The following STAM variants were observed in gnomAD, a reference collection of about 807,000 sequenced individuals.
STAM encodes the protein signal transducing adapter molecule 1.
Under a neutral mutation model 63.4 loss-of-function variants are expected in STAM, and 16 were observed. The observed-to-expected ratio is 0.25, with a 90% CI of 0.17 to 0.38. STAM has a LOEUF of 0.38. Ranked by LOEUF, STAM falls within the 10% of genes least tolerant of loss-of-function variation. The pLI is 1.00. For missense variants in STAM, 636 were observed against 657.1 expected (o/e 0.97, Z 0.35); for synonymous variants, 238 against 223.9 (o/e 1.06, Z -0.56).
At chr10:17,662,252 A>G (rs576458064) in intron 2 of STAM, among the ~76,000 whole-genome samples, 45 of 152,124 alleles carry the variant, frequency 3.0e-4, no homozygotes, top group Non-Finnish European at 5.1e-4. Context: ...CAGCTCAACT[A>G]TCTGAGTTCC....
At chr10:17,692,912 T>C (rs1835602231) in intron 5 of STAM, among the ~76,000 whole-genome samples, 1 of 152,174 alleles carries the variant, frequency 6.6e-6, no homozygotes, top group South Asian at 2.1e-4. Context: ...GGAGTTTTTT[T>C]AAACACGTTG....
rs1159607207 is a variant in STAM, at chr10:17,703,023, AAAAAGAAAAG to A, written c.913-1388_913-1379del. The stretch of plus-strand genomic sequence containing the variant: ...GACTCCATCTCAAAAAAAAAAAAAA[AAAAAGAAAAG>A]AAAAGAAAAGAAAAGAAAATACTTG... On this transcript the variant is annotated intron_variant, in intron 9 of 13. Coordinates refer to ENST00000377524, the MANE Select transcript of STAM (RefSeq NM_003473.4). 7.1e-3 allele frequency among the ~76,000 whole-genome samples: 812 copies of A among 114,088 alleles called. 3 individuals are homozygous for A. Among genetic ancestry groups the A allele is most frequent in the African/African-American group, 0.024 (755 of 31,690 alleles). The allele number at this position is 114,088 out of a possible 152,430, so 74.8% of individuals were successfully genotyped here.
At chr10:17,686,708 A>G (rs1300827923) in intron 4 of STAM, among the ~76,000 whole-genome samples, 2 of 152,320 alleles carry the variant, frequency 1.3e-5, no homozygotes, top group East Asian at 1.9e-4. Flanking sequence ...ATTTCCTTTT[A>G]TTAAACAAAT....
At chr10:17,689,565 C>T (rs1245304072) in intron 5 of STAM, among the ~76,000 whole-genome samples, 1 of 152,152 alleles carries the variant, frequency 6.6e-6, no homozygotes, top group African/African-American at 2.4e-5. Context: ...TTTTACTACT[C>T]AGTATAGTTT....
chr10:17,644,333 A>G lies in STAM; in HGVS notation c.-7A>G. The stretch of plus-strand genomic sequence containing the variant: ...AGTCCCCGGGGACACCTCGGCACGC[A>G]GCGGAGATGCCTCTTTTTGCCACCA... On this transcript the variant is annotated 5_prime_UTR_variant, in exon 1 of 14. Coordinates refer to ENST00000377524, the MANE Select transcript of STAM (RefSeq NM_003473.4). 2 of 1,614,132 alleles carry G rather than the reference A, an allele frequency of 1.2e-6. No individual in the cohort carries two copies.
intron 2 of STAM, among the ~76,000 whole-genome samples, chr10:17,676,994 T>C (rs1277260922): frequency 6.6e-6 from 1 of 152,048 alleles, no homozygotes; most frequent in African/African-American, 2.4e-5. Flanking sequence ...TTCATAATAG[T>C]GGTTAAGTTC....
rs782254522 is a variant in STAM, at chr10:17,684,658, T to C, written c.126-17T>C. 2.8e-5 allele frequency: 45 copies of C among 1,607,914 alleles called. 1 individual carries two copies. In the South Asian group the frequency reaches 4.7e-4, roughly 17 times the overall value. On this transcript the variant is annotated splice_polypyrimidine_tract_variant and intron_variant, in intron 2 of 13. Coordinates refer to ENST00000377524, the MANE Select transcript of STAM (RefSeq NM_003473.4). The stretch of plus-strand genomic sequence containing the variant: ...AGATGTATTATTAAGTAATTTTTAC[T>C]TTTCTCATTTTTTTAGACCTAAGGA...
chr10:17,704,936 CT>C, intron 10 of STAM, 33 bp from the exon 11 acceptor site: 1 of 1,568,626 alleles, frequency 6.4e-7, no homozygotes, highest in Non-Finnish European at 8.7e-7. Flanking sequence ...TTTTCTTGTA[CT>C]TTCTTATATT....
At chr10:17,688,521 A>C (rs782710758) in intron 5 of STAM, among the ~76,000 whole-genome samples, 2 of 152,076 alleles carry the variant, frequency 1.3e-5, no homozygotes, top group African/African-American at 4.8e-5. Context: ...AGAGTGCAGT[A>C]GCGTGATCTC....
chr10:17,663,727 A>G (rs952513663), intron 2 of STAM, among the ~76,000 whole-genome samples: 11 of 152,154 alleles, frequency 7.2e-5, no homozygotes, highest in African/African-American at 2.4e-4. Flanking sequence ...AAAGGATTAA[A>G]CAATAATTGA....
At chr10:17,698,774 A>G (rs1448616358) in intron 8 of STAM, among the ~76,000 whole-genome samples, 1 of 152,180 alleles carries the variant, frequency 6.6e-6, no homozygotes, top group Non-Finnish European at 1.5e-5. Flanking sequence ...TCCTGTGAGA[A>G]AAGGGGTTGC....
intron 2 of STAM, 94 bp from the exon 3 acceptor site, chr10:17,684,581 C>T: frequency 2.3e-6 from 2 of 888,110 alleles, no homozygotes; most frequent in East Asian, 2.6e-5. Flanking sequence ...ATCATAGTCT[C>T]CCTTTTTATC....
chr10:17,714,530 T>A lies in STAM; in HGVS notation c.1386-13T>A. The A allele has an allele frequency of 6.2e-7, 1 of 1,611,326 alleles. No homozygotes were observed. Among genetic ancestry groups the A allele is most frequent in the Admixed American group, 1.7e-5 (1 of 60,004 alleles). On this transcript the variant is annotated splice_polypyrimidine_tract_variant and intron_variant, in intron 13 of 13. Transcript: ENST00000377524. ...CAGTATTGATGTAATTGAGTGTTTT[T>A]CTTCCTCCACAGTACAATGGTCAGT...
At chr10:17,647,822 G>A (rs73603843) in intron 1 of STAM, among the ~76,000 whole-genome samples, 2,561 of 152,174 alleles carry the variant, frequency 0.017, 76 homozygotes, top group African/African-American at 0.058. Context: ...AATACCTAGC[G>A]TATTCTGGTG....
chr10:17,710,282 C>G (rs574787944), intron 13 of STAM, among the ~76,000 whole-genome samples: 14 of 152,250 alleles, frequency 9.2e-5, no homozygotes, highest in African/African-American at 3.1e-4. Context: ...AATGAGATAA[C>G]CTGTTGGTAG....
chr10:17,672,434 G>C (rs1367832728), intron 2 of STAM, among the ~76,000 whole-genome samples: 52 of 152,154 alleles, frequency 3.4e-4, no homozygotes, highest in Admixed American at 3.4e-3. Context: ...GAATTTAACT[G>C]TATTCTTTTC....
intron 1 of STAM, among the ~76,000 whole-genome samples, chr10:17,651,522 A>G (rs1461657059): frequency 6.6e-6 from 1 of 152,166 alleles, no homozygotes; most frequent in Non-Finnish European, 1.5e-5. Flanking sequence ...TGGATTAAGA[A>G]CTTGTATTCT....
chr10:17,678,546 G>C (rs782304037), intron 2 of STAM, among the ~76,000 whole-genome samples: 1 of 152,136 alleles, frequency 6.6e-6, no homozygotes, highest in East Asian at 1.9e-4. Flanking sequence ...GAGTCACCAC[G>C]CCCAACCTCA....
chr10:17,681,917 G>T (rs1274722803), intron 2 of STAM, among the ~76,000 whole-genome samples: 1 of 152,180 alleles, frequency 6.6e-6, no homozygotes, highest in African/African-American at 2.4e-5. Flanking sequence ...TTATATGAAT[G>T]ATTACTCTGC....
Sources: gnomAD v4.1 joint callset for allele counts (sites outside exome capture counted in the v4.1 genomes callset) on GRCh38, gnomAD v4.1.1 for gene constraint, MANE v1.5 for transcripts, NCBI Gene and HGNC (gene_info 2026-07-23, HGNC 2026-07-21) for gene names.